NRXN1: variants seen among roughly 807,000 people sequenced by gnomAD.
NRXN1 encodes the protein neurexin 1, also known as neurexin-1.
A neutral mutation model predicts 150.9 loss-of-function variants in NRXN1; 39 were observed. That is an observed-to-expected ratio of 0.26 (90% CI 0.20 to 0.34). The LOEUF (loss-of-function observed/expected upper bound fraction) is 0.34, where lower values mean the gene tolerates loss of function less well. NRXN1 is among the 10% of genes least tolerant of loss of function. The pLI is 1.00. For missense variants in NRXN1, 1,815 were observed against 1,949.9 expected, an observed-to-expected ratio of 0.93 and a Z score of 1.30; for synonymous variants, 924 against 757.0, an observed-to-expected ratio of 1.22 and a Z score of -3.62.
intron 15 of NRXN1, among the ~76,000 whole-genome samples, chr2:50,480,204 C>T (rs7605292): frequency 0.54 from 82,487 of 152,058 alleles, 22,707 homozygotes; most frequent in Middle Eastern, 0.59. Flanking sequence ...TTAACTGACA[C>T]ATACTGAATT....
At position 50,638,780 on chromosome 2, in the gene NRXN1, T is replaced by C. The variant is rs139483181; in HGVS notation, c.833-15165A>G. On this transcript the variant is annotated intron_variant, in intron 5 of 22. Coordinates refer to ENST00000401669, the MANE Select transcript of NRXN1 (RefSeq NM_001330078.2). ...AATATTTGATATATTTTATAGCCCATGCTTGAAATAAGTTGTCTCCTCCAC... is the reference window on the plus strand; with the variant it reads ...AATATTTGATATATTTTATAGCCCACGCTTGAAATAAGTTGTCTCCTCCAC... Among the ~76,000 whole-genome samples, 180 of 152,324 alleles carry C rather than the reference T, an allele frequency of 1.2e-3. 1 individual carries two copies. Among genetic ancestry groups the C allele is most frequent in the African/African-American group, 4.1e-3 (172 of 41,584 alleles).
Position 50,962,790 on chromosome 2 carries a change from C to T in NRXN1, c.773-36835G>A, listed in dbSNP as rs1015775327. On this transcript the variant is annotated intron_variant, in intron 2 of 22. Coordinates refer to ENST00000401669, the MANE Select transcript of NRXN1 (RefSeq NM_001330078.2). ...CCAGTTCTGTGTTCAATTAAATTTT[C>T]GCTCCCAAATGATCTCAATTTTCCA... is the stretch of plus-strand genomic sequence containing the variant. Among the ~76,000 whole-genome samples the T allele has an allele frequency of 4.0e-5, 6 of 151,418 alleles. No individual in the cohort carries two copies. In the South Asian group the frequency reaches 8.3e-4, roughly 21 times the overall value.
At chr2:50,242,071 A>G (rs1574689158) in intron 17 of NRXN1, among the ~76,000 whole-genome samples, 1 of 151,876 alleles carries the variant, frequency 6.6e-6, no homozygotes, top group Non-Finnish European at 1.5e-5. Flanking sequence ...CTTGTAGCCA[A>G]CACGAAACAT....
chr2:50,841,025 C>T (rs1228806253), intron 5 of NRXN1: 1 of 152,470 alleles, frequency 6.6e-6, no homozygotes, highest in Admixed American at 6.6e-5. Flanking sequence ...TGCTTCTGCC[C>T]CTCTGCAAAG....
At chr2:50,282,233 C>T (rs1242808258) in intron 17 of NRXN1, among the ~76,000 whole-genome samples, 3 of 152,116 alleles carry the variant, frequency 2.0e-5, no homozygotes, top group African/African-American at 7.2e-5. Flanking sequence ...TGAAATTTAC[C>T]ACTTAAGTGA....
intron 22 of NRXN1, among the ~76,000 whole-genome samples, chr2:49,936,816 G>GCACACACACACACA (rs202032583): frequency 1.0e-4 from 15 of 149,976 alleles, no homozygotes; most frequent in African/African-American, 3.4e-4. Flanking sequence ...AAAAACATAT[G>GCACACACACACACA]TACACACACA....
chr2:50,114,919 G>A (rs1702836130), intron 18 of NRXN1, among the ~76,000 whole-genome samples: 1 of 151,836 alleles, frequency 6.6e-6, no homozygotes, highest in Admixed American at 6.6e-5. Context: ...TGTACTCCGT[G>A]TGATATTATA....
intron 17 of NRXN1, among the ~76,000 whole-genome samples, chr2:50,410,176 C>T (rs1327245425): frequency 1.3e-5 from 2 of 152,036 alleles, no homozygotes; most frequent in African/African-American, 4.8e-5. Context: ...TTTTTAAGCC[C>T]TTCACCAGGA....
chr2:50,357,104 C>A (rs1206022763), intron 17 of NRXN1, among the ~76,000 whole-genome samples: 1 of 151,668 alleles, frequency 6.6e-6, no homozygotes, highest in African/African-American at 2.4e-5. Flanking sequence ...TAAGGAGACC[C>A]CATCTCTACA....
At chr2:50,084,113 T>C (rs1401885604) in intron 19 of NRXN1, among the ~76,000 whole-genome samples, 2 of 152,180 alleles carry the variant, frequency 1.3e-5, no homozygotes, top group Non-Finnish European at 2.9e-5. Context: ...GTGTTTACAA[T>C]CCCTTGGCTA....
intron 5 of NRXN1, among the ~76,000 whole-genome samples, chr2:50,771,455 AGT>A (rs1432141527): frequency 2.6e-5 from 4 of 152,142 alleles, no homozygotes; most frequent in Admixed American, 6.6e-5. Flanking sequence ...AAGTCAGGAC[AGT>A]GTGAGCTAAA....
intron 5 of NRXN1, among the ~76,000 whole-genome samples, chr2:50,678,988 G>A (rs1451767255): frequency 2.0e-5 from 3 of 152,076 alleles, no homozygotes; most frequent in African/African-American, 7.2e-5. Context: ...GTCAGAGTTG[G>A]GAAGGAAGGA....
chr2:50,864,478 T>A (rs1389102564), intron 5 of NRXN1, among the ~76,000 whole-genome samples: 1 of 152,006 alleles, frequency 6.6e-6, no homozygotes, highest in Non-Finnish European at 1.5e-5. Context: ...GTATGATTAG[T>A]TTTAAAGTAG....
chr2:50,412,365 TAA>T (rs2083255220), intron 17 of NRXN1, among the ~76,000 whole-genome samples: 1 of 151,424 alleles, frequency 6.6e-6, no homozygotes, highest in African/African-American at 2.4e-5. Context: ...AAAATAATCT[TAA>T]AGAGACATAA....
chr2:51,030,335 A>G (rs895647624), intron 1 of NRXN1, among the ~76,000 whole-genome samples: 2 of 151,810 alleles, frequency 1.3e-5, no homozygotes, highest in African/African-American at 4.8e-5. Context: ...TACCCAATTA[A>G]CACTTTTTTT....
intron 2 of NRXN1, among the ~76,000 whole-genome samples, chr2:50,927,859 T>C (rs568210191): frequency 1.6e-4 from 24 of 151,878 alleles, no homozygotes; most frequent in Admixed American, 1.3e-3. Flanking sequence ...TTTGGTAAAG[T>C]GTGGCCTAAA....
chr2:50,621,266 G>A lies in NRXN1; in HGVS notation c.1135-17C>T. Reference sequence around the variant, plus strand: ...GCCTGAGTGCTTTGTGGAGAAGGGGGGAGAAAGGAAATTAAAAACTGTGAA... The same window carrying A: ...GCCTGAGTGCTTTGTGGAGAAGGGGAGAGAAAGGAAATTAAAAACTGTGAA... On this transcript the variant is annotated splice_polypyrimidine_tract_variant and intron_variant, in intron 6 of 22. Transcript: ENST00000401669. The A allele has an allele frequency of 6.4e-7, 1 of 1,559,344 alleles. No individual in the cohort carries two copies. Among genetic ancestry groups the A allele is most frequent in the Non-Finnish European group, 8.7e-7 (1 of 1,148,384 alleles).
Position 49,980,896 on chromosome 2 carries a change from C to G in NRXN1, c.4129-37105G>C, listed in dbSNP as rs561946403. 2.6e-5 allele frequency among the ~76,000 whole-genome samples: 4 copies of G among 152,136 alleles called. No homozygotes were observed. The South Asian group carries it at 8.3e-4, about 32-fold the overall frequency. On this transcript the variant is annotated intron_variant, in intron 21 of 22. Coordinates refer to ENST00000401669, the MANE Select transcript of NRXN1 (RefSeq NM_001330078.2). The stretch of plus-strand genomic sequence containing the variant: ...GAACCTACTGAAGTCAGATGAAAAC[C>G]TCCCCAATTGCTTGACAATAAATCT...
intron 18 of NRXN1, among the ~76,000 whole-genome samples, chr2:50,195,126 T>C (rs1356738331): frequency 6.6e-6 from 1 of 152,146 alleles, no homozygotes; most frequent in East Asian, 1.9e-4. Flanking sequence ...GGACTGAAGA[T>C]TGGTCAGCAG....
Sources: gnomAD v4.1 joint callset for allele counts (sites outside exome capture counted in the v4.1 genomes callset) on GRCh38, gnomAD v4.1.1 for gene constraint, MANE v1.5 for transcripts, NCBI Gene and HGNC (gene_info 2026-07-23, HGNC 2026-07-21) for gene names.